GALNT2: variants seen among roughly 807,000 people sequenced by gnomAD.
GALNT2 encodes polypeptide N-acetylgalactosaminyltransferase 2, also known as UDP-GalNAc:polypeptide N-acetylgalactosaminyltransferase 2.
In GALNT2, 31 loss-of-function variants were observed where a neutral mutation model predicts 81.4. The ratio of observed to expected loss-of-function variants is 0.38; its 90% CI spans 0.29 to 0.51. GALNT2 has a LOEUF of 0.51. Ranked by LOEUF, GALNT2 falls within the 20% of genes least tolerant of loss-of-function variation. GALNT2 has a pLI of 0.87. For synonymous variants in GALNT2, 303 were observed against 287.4 expected (o/e 1.05, Z -0.55); for missense variants, 629 against 765.7 (o/e 0.82, Z 2.11).
At chr1:230,235,851 C>T (rs542894753) in intron 3 of GALNT2, among the ~76,000 whole-genome samples, 163 bp from the exon 4 acceptor site, 59 of 152,222 alleles carry the variant, frequency 3.9e-4, no homozygotes, top group Middle Eastern at 3.4e-3. Context: ...CCTTATGTCC[C>T]GTTGGCAGTT....
intron 1 of GALNT2, among the ~76,000 whole-genome samples, chr1:230,103,663 G>A (rs531743822): frequency 6.6e-6 from 1 of 152,004 alleles, no homozygotes; most frequent in South Asian, 2.1e-4. Flanking sequence ...GAGACAAGTA[G>A]GTGGCACACA....
chr1:230,118,728 G>A (rs1660924363), intron 1 of GALNT2, among the ~76,000 whole-genome samples: 1 of 152,064 alleles, frequency 6.6e-6, no homozygotes, highest in Admixed American at 6.5e-5. Context: ...CTGTCTCGGT[G>A]GGAGCATCGT....
At chr1:230,177,706 C>T (rs537465282) in intron 1 of GALNT2, among the ~76,000 whole-genome samples, 1 of 152,220 alleles carries the variant, frequency 6.6e-6, no homozygotes, top group Non-Finnish European at 1.5e-5. Context: ...GTGGCCCTAC[C>T]CCCTGCTCCT....
intron 1 of GALNT2, among the ~76,000 whole-genome samples, chr1:230,098,540 C>T (rs1443484474): frequency 1.3e-5 from 2 of 151,824 alleles, no homozygotes; most frequent in Non-Finnish European, 2.9e-5. Flanking sequence ...CAAGCAGAAG[C>T]CGCATCTGTG....
At chr1:230,067,592 G>T (rs1042828200) in intron 1 of GALNT2, among the ~76,000 whole-genome samples, 186 bp downstream of exon 1, 1 of 151,682 alleles carries the variant, frequency 6.6e-6, no homozygotes, top group African/African-American at 2.4e-5. Context: ...CTCTGCGCAC[G>T]CCGGGCTCCG....
intron 1 of GALNT2, among the ~76,000 whole-genome samples, chr1:230,112,053 A>G (rs1660719842): frequency 1.3e-5 from 2 of 151,994 alleles, no homozygotes; most frequent in Non-Finnish European, 2.9e-5. Flanking sequence ...CATTACTGAG[A>G]GGAAGAAGGC....
chr1:230,182,682 GT>G (rs1663198018), intron 2 of GALNT2, among the ~76,000 whole-genome samples: 1 of 152,170 alleles, frequency 6.6e-6, no homozygotes, highest in African/African-American at 2.4e-5. Flanking sequence ...TTCCATGTGA[GT>G]TTGAGAAGAA....
At chr1:230,185,193 T>C (rs1013756061) in intron 2 of GALNT2, among the ~76,000 whole-genome samples, 2 of 152,206 alleles carry the variant, frequency 1.3e-5, no homozygotes, top group Non-Finnish European at 2.9e-5. Flanking sequence ...TTTAAATTCC[T>C]GATCTGATCA....
At chr1:230,121,817 G>A (rs1156267025) in intron 1 of GALNT2, among the ~76,000 whole-genome samples, 1 of 152,260 alleles carries the variant, frequency 6.6e-6, no homozygotes, top group East Asian at 1.9e-4. Flanking sequence ...GGGAGCATCA[G>A]TAACTTGCTC....
At chr1:230,062,632 C>T (rs1371767478), upstream of GALNT2, among the ~76,000 whole-genome samples, 1 of 152,200 alleles carries the variant, frequency 6.6e-6, no homozygotes, top group African/African-American at 2.4e-5. Context: ...GTGTCTCGCT[C>T]ATTTCATCTA....
chr1:230,133,375 C>T lies in GALNT2; in HGVS notation c.127-44843C>T, dbSNP rs922583580. ...AGACTCTTTTGTACCTTTGCCACAT[C>T]GTTAATATTTGCAAATAAAATCTTT... is the stretch of plus-strand genomic sequence containing the variant. On this transcript the variant is annotated intron_variant, in intron 1 of 15. Transcript: ENST00000366672. Among the ~76,000 whole-genome samples, 6 of 152,062 alleles carry T rather than the reference C, an allele frequency of 3.9e-5. No homozygotes were observed. The East Asian group carries it at 7.7e-4, about 20-fold the overall frequency.
chr1:230,262,719 G>T (rs900515349), intron 12 of GALNT2, 54 bp downstream of exon 12: 1 of 1,444,880 alleles, frequency 6.9e-7, no homozygotes, highest in Non-Finnish European at 9.7e-7. Context: ...GGGTGTGGGG[G>T]TGGGAGGTAA....
chr1:230,118,221 G>A lies in GALNT2; in HGVS notation c.126+50815G>A, dbSNP rs1295695211. On this transcript the variant is annotated intron_variant, in intron 1 of 15. Transcript: ENST00000366672. Reference sequence around the variant, plus strand: ...TGTTCCGTTGTCTGGATATACCACAGTTAATCCATTTGCCTAGATGTGTCC... The same window carrying A: ...TGTTCCGTTGTCTGGATATACCACAATTAATCCATTTGCCTAGATGTGTCC... Among the ~76,000 whole-genome samples the A allele has an allele frequency of 2.0e-5, 3 of 152,166 alleles. No individual in the cohort carries two copies. The South Asian group carries it at 6.2e-4, about 32-fold the overall frequency.
At chr1:230,223,051 T>C (rs1295346433) in intron 3 of GALNT2, among the ~76,000 whole-genome samples, 3 of 152,214 alleles carry the variant, frequency 2.0e-5, no homozygotes, top group Non-Finnish European at 4.4e-5. Flanking sequence ...ACCTTTGTTA[T>C]TGATAAAAGC....
intron 3 of GALNT2, among the ~76,000 whole-genome samples, chr1:230,225,927 G>T (rs1664695761): frequency 1.3e-5 from 2 of 152,200 alleles, no homozygotes; most frequent in Admixed American, 1.3e-4. Flanking sequence ...AGAATGGGAT[G>T]GGAGAAGCAG....
chr1:230,196,238 C>T (rs949855043), intron 2 of GALNT2, among the ~76,000 whole-genome samples: 7 of 152,334 alleles, frequency 4.6e-5, no homozygotes, highest in South Asian at 4.1e-4. Context: ...TTACATGCCT[C>T]CTGCATCTGG....
chr1:230,087,379 A>T (rs1659931386), intron 1 of GALNT2, among the ~76,000 whole-genome samples: 1 of 152,170 alleles, frequency 6.6e-6, no homozygotes, highest in Non-Finnish European at 1.5e-5. Flanking sequence ...AATTTCAAGG[A>T]CTGCAGGAGC....
chr1:230,162,993 G>C (rs1662482745), intron 1 of GALNT2, among the ~76,000 whole-genome samples: 1 of 152,190 alleles, frequency 6.6e-6, no homozygotes, highest in Non-Finnish European at 1.5e-5. Context: ...CAATGTGTAT[G>C]CCTTTTCTCT....
chr1:230,150,844 G>A lies in GALNT2; in HGVS notation c.127-27374G>A, dbSNP rs555056700. Among the ~76,000 whole-genome samples the A allele has an allele frequency of 2.6e-5, 4 of 152,306 alleles. No individual in the cohort carries two copies. The South Asian group carries it at 8.3e-4, about 32-fold the overall frequency. On this transcript the variant is annotated intron_variant, in intron 1 of 15. Coordinates refer to ENST00000366672, the MANE Select transcript of GALNT2 (RefSeq NM_004481.5). Reference sequence around the variant, plus strand: ...TTGGCCCTGACTGTGCAGTTTTCTGGATGGAAGCCTGCTGTCTTCTGAGCA... The same window carrying A: ...TTGGCCCTGACTGTGCAGTTTTCTGAATGGAAGCCTGCTGTCTTCTGAGCA...
Sources: gnomAD v4.1 joint callset for allele counts (sites outside exome capture counted in the v4.1 genomes callset) on GRCh38, gnomAD v4.1.1 for gene constraint, MANE v1.5 for transcripts, NCBI Gene and HGNC (gene_info 2026-07-23, HGNC 2026-07-21) for gene names.